The following TNFAIP2 variants were observed in gnomAD, a reference collection of about 807,000 sequenced individuals.
TNFAIP2 encodes tumor necrosis factor alpha-induced protein 2.
In TNFAIP2, 47 loss-of-function variants were observed where a neutral mutation model predicts 63.5. The ratio of observed to expected loss-of-function variants is 0.74; its 90% CI spans 0.59 to 0.94. The LOEUF (loss-of-function observed/expected upper bound fraction) is 0.94, where lower values mean the gene tolerates loss of function less well. TNFAIP2 is among the 40% of genes least tolerant of loss of function. TNFAIP2 has a pLI of 0.00. For synonymous variants in TNFAIP2, 405 were observed against 390.2 expected, an observed-to-expected ratio of 1.04 and a Z score of -0.45; for missense variants, 787 against 850.2, an observed-to-expected ratio of 0.93 and a Z score of 0.92.
At chr14:103,130,245 G>A (rs2234132) in intron 5 of TNFAIP2, 70 bp from the exon 6 acceptor site, 20,039 of 1,528,826 alleles carry the variant, frequency 0.013, 170 homozygotes, top group Non-Finnish European at 0.016. Context: ...GTTCCCGCCT[G>A]TTTCCTCCCC....
rs2297064 is a variant in TNFAIP2 at position 103,131,608 on chromosome 14, C to G, written c.1299-31C>G. The G allele has an allele frequency of 3.9e-4, 612 of 1,569,710 alleles. 2 individuals carry two copies. The East Asian group carries it at 8.5e-3, about 22-fold the overall frequency. ...GTATGGGGCTATAGGCTGAGCAGGG[C>G]TGGGGTGACCTCTCTGCCTCCACCT... On this transcript the variant is annotated intron_variant, in intron 7 of 11. Transcript: ENST00000560869. The surrounding 1 kb of genome is among the most constrained non-coding windows in gnomAD (Gnocchi z 4.0).
upstream of TNFAIP2, among the ~76,000 whole-genome samples, chr14:103,121,883 G>A (rs949982824): frequency 6.6e-6 from 1 of 151,920 alleles, no homozygotes. Flanking sequence ...ATGGGAGGGG[G>A]GGTGAGGGGG....
At position 103,126,668 on chromosome 14, in the gene TNFAIP2, G is replaced by A. The variant is rs901886103; in HGVS notation, c.211G>A (p.Gly71Arg). 1.9e-6 allele frequency: 3 copies of A among 1,557,184 alleles called. No homozygotes were observed. Among genetic ancestry groups the A allele is most frequent in the African/African-American group, 1.3e-5 (1 of 74,084 alleles). ...EPEDAAGSRQ[G>R]LDGPPPTVEE... ...CGAGGACGCAGCCGGGTCCAGGCAG[G>A]GGCTGGATGGCCCGCCCCCCACAGG... The change falls in exon 2 of 12, where the codon GGG becomes AGG. Residue 71 changes from glycine (G) to arginine (R), a missense_variant. Physicochemically the swap from Gly to Arg is moderately radical, Grantham distance 125 (BLOSUM62 -2). Transcript: ENST00000560869.
At chr14:103,133,143 A>AACAC (rs3070502) in intron 9 of TNFAIP2, among the ~76,000 whole-genome samples, 3 of 151,722 alleles carry the variant, frequency 2.0e-5, no homozygotes, top group Non-Finnish European at 2.9e-5. Flanking sequence ...CGAGCATGTA[A>AACAC]ACACACACAT....
chr14:103,124,844 G>A (rs1459506031), intron 1 of TNFAIP2, among the ~76,000 whole-genome samples: 5 of 152,244 alleles, frequency 3.3e-5, no homozygotes, highest in Non-Finnish European at 5.9e-5. Context: ...TGCCATCCAG[G>A]AGTGTGGGAC....
chr14:103,122,079 C>A (rs926126329), upstream of TNFAIP2, among the ~76,000 whole-genome samples: 6 of 152,142 alleles, frequency 3.9e-5, no homozygotes, highest in African/African-American at 1.4e-4. Flanking sequence ...GACACCGCGG[C>A]TCTGTGGACT....
At position 103,131,955 on chromosome 14, in the gene TNFAIP2, C is replaced by T. The variant is rs976067322; in HGVS notation, c.1422+193C>T. On this transcript the variant is annotated intron_variant, in intron 8 of 11. Transcript: ENST00000560869. The surrounding 1 kb of genome is among the most constrained non-coding windows in gnomAD (Gnocchi z 4.0). ...GGGGACCCTAGCAGGCTCTGAACTC[C>T]GCCGATCATGTCCTGGGGTTTCACC... Among the ~76,000 whole-genome samples the T allele has an allele frequency of 2.4e-5, 3 of 123,880 alleles. No homozygotes were observed. Among genetic ancestry groups the T allele is most frequent in the Non-Finnish European group, 3.5e-5 (2 of 56,774 alleles). The allele number at this position is 123,880 out of a possible 152,430, so 81.3% of individuals were successfully genotyped here.
At position 103,129,866 on chromosome 14, in the gene TNFAIP2, C is replaced by A. The variant is rs769858539; in HGVS notation, c.975+12C>A. On this transcript the variant is annotated intron_variant, in intron 4 of 11. Coordinates refer to ENST00000560869, the MANE Select transcript of TNFAIP2 (RefSeq NM_006291.4). ...TGTCCAGTGAGGCGGTGAGTCTCCA[C>A]CTGGGCCAGGGAGGGGCAGGGAGGC... 1.9e-6 allele frequency: 3 copies of A among 1,612,062 alleles called. No homozygotes were observed. The highest frequency in any genetic ancestry group is 2.5e-6 in the Non-Finnish European group (3 of 1,178,586).
rs751619517 is a variant in TNFAIP2, at chr14:103,127,470, G to A, written c.701G>A (p.Arg234Gln). The A allele has an allele frequency of 2.5e-6, 4 of 1,587,268 alleles. No individual in the cohort carries two copies. In the East Asian group the frequency reaches 9.1e-5, roughly 36 times the overall value. ...MKEDLEAVVE[R>Q]LKPLFPAEFG... ...GAGGACCTGGAGGCCGTGGTGGAGC[G>A]GCTGAAGCCGCTGTTCCCCGCCGAG... The change falls in exon 3 of 12, where the codon CGG (arginine) becomes CAG (glutamine). Residue 234 changes from arginine to glutamine, a missense_variant. By Grantham distance (43) the Arg-to-Gln change is conservative (BLOSUM62 1). Transcript: ENST00000560869. This position sits in a 1 kb window ranked among gnomAD's most constrained non-coding sequence, Gnocchi z 5.1.
At chr14:103,133,109 C>A (rs1390147478) in intron 9 of TNFAIP2, among the ~76,000 whole-genome samples, 2 of 152,028 alleles carry the variant, frequency 1.3e-5, no homozygotes, top group Non-Finnish European at 2.9e-5. Context: ...AACACATGCA[C>A]ACATATGAAC....
Position 103,129,820 on chromosome 14 carries a change from G to A in TNFAIP2, c.941G>A (p.Arg314Gln), listed in dbSNP as rs369101140. ...LGSLLPPRQI[R>Q]LLEATFLSSE... ...AGCCTCCTGCCCCCCAGGCAGATCC[G>A]ACTGCTGGAGGCCACATTCCTGTCC... Residue 314 changes from arginine (R) to glutamine (Q), a missense_variant, in exon 4 of 12, where the codon CGA becomes CAA. Arg to Gln is a conservative substitution (Grantham distance 43). Around this residue, in one of 3 missense-constraint regions of TNFAIP2, gnomAD observed 523 missense variants for 604.1 expected, o/e 0.87. Coordinates refer to ENST00000560869, the MANE Select transcript of TNFAIP2 (RefSeq NM_006291.4). 26 of 1,613,978 alleles carry A rather than the reference G, an allele frequency of 1.6e-5. No individual in the cohort carries two copies. The highest frequency in any genetic ancestry group is 2.1e-5 in the Non-Finnish European group (25 of 1,179,952).
rs2088090598 is a variant in TNFAIP2, at chr14:103,136,106, C to T, written c.*746C>T. ...AAGACCTCCTGGGTCCTCTCAGGCT[C>T]CCCCTTCCCCAAGGCAGGGACAGGC... On this transcript the variant is annotated 3_prime_UTR_variant, in exon 12 of 12. Transcript: ENST00000560869. The T allele has an allele frequency of 3.8e-6, 4 of 1,054,528 alleles. No homozygotes were observed. Among genetic ancestry groups the T allele is most frequent in the African/African-American group, 3.3e-5 (2 of 59,880 alleles). 65.3% of individuals were successfully genotyped at this position (1,054,528 alleles called of 1,614,324 possible). A position where few individuals can be genotyped will look rare whatever the true frequency, so the allele number is the denominator to read the frequency against.
rs2088083646 is a variant in TNFAIP2 at position 103,135,806 on chromosome 14, C to T, written c.*446C>T. On this transcript the variant is annotated 3_prime_UTR_variant, in exon 12 of 12. Coordinates refer to ENST00000560869, the MANE Select transcript of TNFAIP2 (RefSeq NM_006291.4). The surrounding 1 kb of genome is among the most constrained non-coding windows in gnomAD (Gnocchi z 7.6). ...CCGAGCCTCACCCATCTGCCCTCTG[C>T]AGCCCAGGGCCGCCGTGAGCGGGAT... The T allele has an allele frequency of 7.7e-7, 1 of 1,294,238 alleles. No homozygotes were observed. The highest frequency in any genetic ancestry group is 1.0e-6 in the Non-Finnish European group (1 of 992,398). 80.2% of individuals were successfully genotyped at this position (1,294,238 alleles called of 1,614,324 possible).
chr14:103,129,805 C>T lies in TNFAIP2; in HGVS notation c.926C>T (p.Pro309Leu), dbSNP rs1423969857. The T allele has an allele frequency of 6.2e-7, 1 of 1,613,892 alleles. No individual in the cohort carries two copies. Among genetic ancestry groups the T allele is most frequent in the African/African-American group, 1.3e-5 (1 of 74,904 alleles). Residue 309 changes from proline (P) to leucine (L), a missense_variant, in exon 4 of 12, where the codon CCC (proline) becomes CTC (leucine). Around this residue, in one of 3 missense-constraint regions of TNFAIP2, gnomAD observed 523 missense variants for 604.1 expected, o/e 0.87. Transcript: ENST00000560869. ...LQGMGLGSLLPPRQIRLLEAT... is the reference protein window; with the variant it reads ...LQGMGLGSLLLPRQIRLLEAT... Reference sequence around the variant, plus strand: ...GGTATGGGGCTCGGGAGCCTCCTGCCCCCCAGGCAGATCCGACTGCTGGAG... The same window carrying T: ...GGTATGGGGCTCGGGAGCCTCCTGCTCCCCAGGCAGATCCGACTGCTGGAG...
At chr14:103,133,216 GCA>G (rs2088022822) in intron 9 of TNFAIP2, 144 bp from the exon 10 acceptor site, 1 of 1,031,690 alleles carries the variant, frequency 9.7e-7, no homozygotes, top group Non-Finnish European at 1.4e-6. Context: ...GCATGTGAAC[GCA>G]CACATGTGGA....
chr14:103,134,567 T>C (rs930920394), intron 11 of TNFAIP2, among the ~76,000 whole-genome samples: 2 of 146,340 alleles, frequency 1.4e-5, no homozygotes, highest in African/African-American at 5.1e-5. Flanking sequence ...CATTTAGCTA[T>C]CCATCCACTC....
intron 8 of TNFAIP2, among the ~76,000 whole-genome samples, chr14:103,132,358 T>C (rs1434879663): frequency 6.6e-6 from 1 of 152,160 alleles, no homozygotes; most frequent in Non-Finnish European, 1.5e-5. Context: ...CTAGCGGCCA[T>C]GGGTGGCCTG....
Position 103,127,119 on chromosome 14 carries a change from A to C in TNFAIP2, c.350A>C (p.Glu117Ala). The C allele has an allele frequency of 9.1e-7, 1 of 1,099,500 alleles. No homozygotes were observed. Among genetic ancestry groups the C allele is most frequent in the Middle Eastern group, 4.1e-4 (1 of 2,442 alleles). The allele number at this position is 1,099,500 out of a possible 1,614,324, so 68.1% of individuals were successfully genotyped here. ...AAAAGGVSEEELVRRQSKVEA... is the reference protein window; with the variant it reads ...AAAAGGVSEEALVRRQSKVEA... ...GCGGCGGGCGGTGTGAGCGAGGAGG[A>C]GCTGGTGCGGCGCCAGAGCAAGGTG... Residue 117 changes from glutamate to alanine, a missense_variant, in exon 3 of 12, where the codon GAG becomes GCG. Glu to Ala is a moderately radical substitution (Grantham distance 107). Coordinates refer to ENST00000560869, the MANE Select transcript of TNFAIP2 (RefSeq NM_006291.4). This position sits in a 1 kb window ranked among gnomAD's most constrained non-coding sequence, Gnocchi z 5.1.
Position 103,131,235 on chromosome 14 carries a change from T to C in TNFAIP2, c.1298+85T>C. ...GCTGGAAGGTGGAGGGAGGAGGAGCTGCTTAGGCCAAGAAGTGGAATTCAA... is the reference window on the plus strand; with the variant it reads ...GCTGGAAGGTGGAGGGAGGAGGAGCCGCTTAGGCCAAGAAGTGGAATTCAA... On this transcript the variant is annotated intron_variant, in intron 7 of 11. Transcript: ENST00000560869. This position sits in a 1 kb window ranked among gnomAD's most constrained non-coding sequence, Gnocchi z 4.0. 7.0e-7 allele frequency: 1 copy of C among 1,419,888 alleles called. No homozygotes were observed. Among genetic ancestry groups the C allele is most frequent in the Non-Finnish European group, 9.9e-7 (1 of 1,012,134 alleles). 88.0% of individuals were successfully genotyped at this position (1,419,888 alleles called of 1,614,324 possible).
Sources: allele counts gnomAD v4.1 joint callset (sites outside exome capture counted in the v4.1 genomes callset), GRCh38; gene constraint gnomAD v4.1.1; regional missense constraint gnomAD v4.1.1; non-coding constraint Gnocchi (gnomAD v3.1); transcripts MANE v1.5; gene names NCBI Gene and HGNC (gene_info 2026-07-23, HGNC 2026-07-21).